The following ZNF804B variants were observed in gnomAD, a reference collection of about 807,000 sequenced individuals.
The protein encoded by ZNF804B is zinc finger 804B.
In ZNF804B, 80 loss-of-function variants were observed where a neutral mutation model predicts 101.4. The ratio of observed to expected loss-of-function variants is 0.79; its 90% CI spans 0.66 to 0.95. The LOEUF is 0.95. ZNF804B is among the 40% of genes least tolerant of loss of function. The pLI, the probability that ZNF804B is intolerant of heterozygous loss-of-function variation, is 0.00. For synonymous variants in ZNF804B, 622 were observed against 558.8 expected, an observed-to-expected ratio of 1.11 and a Z score of -1.59; for missense variants, 1,673 against 1,561.9, an observed-to-expected ratio of 1.07 and a Z score of -1.20.
chr7:89,047,885 G>A (rs530687405), intron 1 of ZNF804B, among the ~76,000 whole-genome samples: 7 of 97,118 alleles, frequency 7.2e-5, no homozygotes, highest in Non-Finnish European at 1.3e-4. Flanking sequence ...GATCTCAGTG[G>A]CTAAATCCTT....
chr7:89,105,516 TC>T (rs1255265051), intron 1 of ZNF804B, among the ~76,000 whole-genome samples: 3 of 152,062 alleles, frequency 2.0e-5, no homozygotes, highest in Non-Finnish European at 2.9e-5. Context: ...CCCATATGTT[TC>T]CTTGACCGTG....
intron 2 of ZNF804B, among the ~76,000 whole-genome samples, chr7:89,275,621 T>G (rs1255490279): frequency 6.6e-6 from 1 of 151,956 alleles, no homozygotes; most frequent in Non-Finnish European, 1.5e-5. Context: ...TTCAGATCTC[T>G]GATCCAATTC....
chr7:89,320,595 G>GA (rs1000225248), intron 2 of ZNF804B, among the ~76,000 whole-genome samples: 142 of 151,894 alleles, frequency 9.3e-4, no homozygotes, highest in African/African-American at 3.4e-3. Context: ...GCATGAGGTA[G>GA]AAAAAAATGG....
At chr7:88,825,941 AC>A (rs1324753461) in intron 1 of ZNF804B, among the ~76,000 whole-genome samples, 1 of 152,170 alleles carries the variant, frequency 6.6e-6, no homozygotes, top group Non-Finnish European at 1.5e-5. Context: ...TTTTATTTGT[AC>A]ATTTCCTTTT....
At chr7:89,143,102 G>A (rs7783515) in intron 1 of ZNF804B, among the ~76,000 whole-genome samples, 79,124 of 151,472 alleles carry the variant, frequency 0.52, 21,135 homozygotes, top group East Asian at 0.64. Context: ...GGCAGTTTAC[G>A]GATACATAGC....
chr7:89,263,276 T>C lies in ZNF804B; in HGVS notation c.249+44981T>C, dbSNP rs1296799196. 2.0e-5 allele frequency among the ~76,000 whole-genome samples: 3 copies of C among 152,186 alleles called. No homozygotes were observed. In the East Asian group the frequency reaches 5.8e-4, roughly 29 times the overall value. ...GCTAATAATTCTGGTCGTTGATCCT[T>C]AGCATCTTATTCACTGGTTCCACGC... is the stretch of plus-strand genomic sequence containing the variant. On this transcript the variant is annotated intron_variant, in intron 2 of 3. Coordinates refer to ENST00000333190, the MANE Select transcript of ZNF804B (RefSeq NM_181646.5).
intron 2 of ZNF804B, among the ~76,000 whole-genome samples, chr7:89,308,680 C>G (rs1790603421): frequency 6.6e-6 from 1 of 152,194 alleles, no homozygotes; most frequent in Admixed American, 6.6e-5. Context: ...TCATCCTGAA[C>G]TAACAAGAAC....
chr7:88,911,306 A>G (rs546127193), intron 1 of ZNF804B, among the ~76,000 whole-genome samples: 1 of 151,862 alleles, frequency 6.6e-6, no homozygotes, highest in South Asian at 2.1e-4. Flanking sequence ...TTTGTAGTGT[A>G]TGAATGTTTC....
intron 1 of ZNF804B, among the ~76,000 whole-genome samples, chr7:88,928,117 T>A (rs1792833712): frequency 6.6e-6 from 1 of 152,158 alleles, no homozygotes; most frequent in South Asian, 2.1e-4. Context: ...AATCAACCTC[T>A]TCTTTCTTGT....
At chr7:89,331,186 T>C (rs930360975) in intron 3 of ZNF804B, among the ~76,000 whole-genome samples, 1 of 151,636 alleles carries the variant, frequency 6.6e-6, no homozygotes, top group African/African-American at 2.4e-5. Flanking sequence ...AGAAGTATAG[T>C]TCCTACTTAA....
intron 1 of ZNF804B, among the ~76,000 whole-genome samples, chr7:88,907,338 A>G (rs1355541337): frequency 6.6e-6 from 1 of 151,868 alleles, no homozygotes; most frequent in African/African-American, 2.4e-5. Flanking sequence ...TTAAATTCAG[A>G]GTTAATATTA....
chr7:89,057,859 G>A (rs1259844047), intron 1 of ZNF804B, among the ~76,000 whole-genome samples: 4 of 152,080 alleles, frequency 2.6e-5, no homozygotes, highest in Non-Finnish European at 5.9e-5. Context: ...GCTTGGTCAA[G>A]GGATCCTAAT....
intron 1 of ZNF804B, among the ~76,000 whole-genome samples, chr7:88,877,716 G>A (rs1350454842): frequency 1.3e-5 from 2 of 152,068 alleles, no homozygotes; most frequent in African/African-American, 4.8e-5. Context: ...TTATAGCGGG[G>A]AAAAATTCTT....
intron 2 of ZNF804B, among the ~76,000 whole-genome samples, chr7:89,249,736 C>A (rs1481699208): frequency 6.6e-6 from 1 of 151,958 alleles, no homozygotes; most frequent in Non-Finnish European, 1.5e-5. Flanking sequence ...AAATAAAAAA[C>A]AAGAACAAAC....
chr7:89,213,392 C>A (rs1314174372), intron 1 of ZNF804B, among the ~76,000 whole-genome samples: 1 of 152,154 alleles, frequency 6.6e-6, no homozygotes, highest in Non-Finnish European at 1.5e-5. Flanking sequence ...GGCTTTCATG[C>A]AAAGAATATG....
At chr7:89,029,718 C>T (rs17166340) in intron 1 of ZNF804B, among the ~76,000 whole-genome samples, 2,614 of 152,184 alleles carry the variant, frequency 0.017, 36 homozygotes, top group South Asian at 0.03. Context: ...GATTACCAGA[C>T]TTAACATAAT....
At chr7:89,144,367 G>C (rs1010357605) in intron 1 of ZNF804B, among the ~76,000 whole-genome samples, 13 of 152,038 alleles carry the variant, frequency 8.6e-5, no homozygotes, top group African/African-American at 3.1e-4. Context: ...ATCTAGCATG[G>C]AATTTGATCT....
At chr7:89,328,586 T>C (rs1427873108) in intron 3 of ZNF804B, among the ~76,000 whole-genome samples, 1 of 151,772 alleles carries the variant, frequency 6.6e-6, no homozygotes, top group East Asian at 1.9e-4. Flanking sequence ...CAATATGTTG[T>C]GCAAACATAC....
chr7:88,766,119 T>C (rs890912243), intron 1 of ZNF804B, among the ~76,000 whole-genome samples: 1 of 152,072 alleles, frequency 6.6e-6, no homozygotes, highest in African/African-American at 2.4e-5. Context: ...CTAGACCAGG[T>C]TGGGCAACAA....
Sources: gnomAD v4.1 joint callset for allele counts (sites outside exome capture counted in the v4.1 genomes callset) on GRCh38, gnomAD v4.1.1 for gene constraint, MANE v1.5 for transcripts, NCBI Gene and HGNC (gene_info 2026-07-23, HGNC 2026-07-21) for gene names.